The following TSPAN18 variants were observed in gnomAD, a reference collection of about 807,000 sequenced individuals.
TSPAN18 encodes tetraspanin-18.
In TSPAN18, 14 loss-of-function variants were observed where a neutral mutation model predicts 27.3. The observed-to-expected ratio is 0.51, with a 90% CI of 0.34 to 0.80. The LOEUF (loss-of-function observed/expected upper bound fraction) is 0.80. Ranked by LOEUF, TSPAN18 falls within the 30% of genes least tolerant of loss-of-function variation. The pLI is 0.01. For synonymous variants in TSPAN18, 143 were observed against 136.5 expected (o/e 1.05, Z -0.33); for missense variants, 268 against 323.9 (o/e 0.83, Z 1.32).
chr11:44,811,652 G>A (rs1856719775), intron 2 of TSPAN18, among the ~76,000 whole-genome samples: 1 of 152,016 alleles, frequency 6.6e-6, no homozygotes, highest in Non-Finnish European at 1.5e-5. Context: ...GATAGAGATA[G>A]GGTTTCACCA....
At chr11:44,803,785 C>A (rs1856533155) in intron 2 of TSPAN18, among the ~76,000 whole-genome samples, 1 of 152,012 alleles carries the variant, frequency 6.6e-6, no homozygotes, top group African/African-American at 2.4e-5. Context: ...ATTATTGAGG[C>A]TACTAAGAAA....
chr11:44,826,066 T>A (rs1430374095), intron 2 of TSPAN18, among the ~76,000 whole-genome samples: 3 of 152,160 alleles, frequency 2.0e-5, no homozygotes, highest in Non-Finnish European at 4.4e-5. Context: ...GGGGCCACAC[T>A]CTTACACCAC....
At chr11:44,872,478 A>G (rs998694553) in intron 3 of TSPAN18, among the ~76,000 whole-genome samples, 11 of 152,258 alleles carry the variant, frequency 7.2e-5, no homozygotes, top group Non-Finnish European at 1.3e-4. Flanking sequence ...TGCCCGGCAC[A>G]TGCTAAGTGC....
intron 1 of TSPAN18, among the ~76,000 whole-genome samples, chr11:44,762,162 C>T (rs536369347): frequency 7.2e-5 from 11 of 152,322 alleles, no homozygotes; most frequent in African/African-American, 2.6e-4. Context: ...CATTTCTACA[C>T]CAAGATGGGC....
chr11:44,830,727 G>C (rs1857136084), intron 2 of TSPAN18, among the ~76,000 whole-genome samples: 1 of 152,178 alleles, frequency 6.6e-6, no homozygotes, highest in Non-Finnish European at 1.5e-5. Flanking sequence ...AGCAGCTCAG[G>C]CTCAGTCATT....
At chr11:44,894,894 G>A (rs144594259) in intron 3 of TSPAN18, among the ~76,000 whole-genome samples, 3,053 of 152,296 alleles carry the variant, frequency 0.02, 95 homozygotes, top group African/African-American at 0.067. Context: ...GATAGGTGTC[G>A]TATCAGGAGC....
chr11:44,742,302 TC>T (rs765117341), intron 1 of TSPAN18, among the ~76,000 whole-genome samples: 2 of 55,930 alleles, frequency 3.6e-5, no homozygotes, highest in Non-Finnish European at 7.0e-5. Context: ...CCTCCCTCCC[TC>T]CCTCCCTTTT....
At chr11:44,781,052 C>A (rs1377330) in intron 2 of TSPAN18, among the ~76,000 whole-genome samples, 23,568 of 152,186 alleles carry the variant, frequency 0.15, 2,931 homozygotes, top group East Asian at 0.5. Flanking sequence ...ACATTAAGGA[C>A]ATCTGATGCT....
intron 1 of TSPAN18, among the ~76,000 whole-genome samples, chr11:44,727,631 G>C (rs1198056150): frequency 6.6e-6 from 1 of 152,168 alleles, no homozygotes; most frequent in Non-Finnish European, 1.5e-5. Flanking sequence ...TACAAGGTTC[G>C]GGGTTTCGGC....
chr11:44,841,190 G>A (rs962168330), intron 2 of TSPAN18, among the ~76,000 whole-genome samples: 2 of 152,136 alleles, frequency 1.3e-5, no homozygotes, highest in Admixed American at 6.5e-5. Flanking sequence ...CATAGGAGGT[G>A]GACAGAAAAC....
In TSPAN18 at chr11:44,929,198, G is replaced by A. The variant is rs778047900; in HGVS notation, c.*20G>A. On this transcript the variant is annotated 3_prime_UTR_variant, in exon 10 of 10. Coordinates refer to ENST00000520358, the MANE Select transcript of TSPAN18 (RefSeq NM_130783.5). ...CAGTAGAGGGTATGGCCTGAAGCCT[G>A]AAGACTCGCCCCACCCACCACTGCC... 6.2e-7 allele frequency: 1 copy of A among 1,613,336 alleles called. No individual in the cohort carries two copies. Among genetic ancestry groups the A allele is most frequent in the Admixed American group, 1.7e-5 (1 of 60,018 alleles).
At chr11:44,746,858 C>T (rs559631635) in intron 1 of TSPAN18, among the ~76,000 whole-genome samples, 3 of 152,364 alleles carry the variant, frequency 2.0e-5, no homozygotes, top group African/African-American at 7.2e-5. Flanking sequence ...GCCCACTTCC[C>T]CCACTGCTTG....
At chr11:44,845,345 C>T (rs1383523360) in intron 2 of TSPAN18, among the ~76,000 whole-genome samples, 11 of 152,218 alleles carry the variant, frequency 7.2e-5, no homozygotes, top group Non-Finnish European at 1.3e-4. Context: ...GCTGTTGCAT[C>T]GATGAAAGGT....
intron 3 of TSPAN18, among the ~76,000 whole-genome samples, chr11:44,861,163 G>A (rs1039602481): frequency 4.6e-5 from 7 of 152,004 alleles, no homozygotes; most frequent in Non-Finnish European, 1.0e-4. Flanking sequence ...CACTCTCCAT[G>A]TGGCCGCAGG....
At chr11:44,894,855 G>A (rs1221670731) in intron 3 of TSPAN18, among the ~76,000 whole-genome samples, 6 of 152,206 alleles carry the variant, frequency 3.9e-5, no homozygotes, top group Admixed American at 6.5e-5. Context: ...GGGGCACGGC[G>A]CTTCCTGTCT....
intron 1 of TSPAN18, among the ~76,000 whole-genome samples, chr11:44,744,937 C>G (rs772358767): frequency 6.6e-6 from 1 of 152,156 alleles, no homozygotes; most frequent in African/African-American, 2.4e-5. Context: ...TACCCAGGCT[C>G]AGCAGGAAGG....
At chr11:44,850,184 G>C (rs563353383) in intron 2 of TSPAN18, among the ~76,000 whole-genome samples, 1 of 152,196 alleles carries the variant, frequency 6.6e-6, no homozygotes, top group Admixed American at 6.5e-5. Context: ...TTCACCAGGG[G>C]TGCTTGTCCC....
At chr11:44,800,635 C>T (rs874034) in intron 2 of TSPAN18, among the ~76,000 whole-genome samples, 73 of 152,328 alleles carry the variant, frequency 4.8e-4, no homozygotes, top group Middle Eastern at 3.4e-3. Context: ...GAGCCCCTTT[C>T]TGGGCTGTGC....
At chr11:44,782,316 G>A (rs987765885) in intron 2 of TSPAN18, among the ~76,000 whole-genome samples, 53 of 152,096 alleles carry the variant, frequency 3.5e-4, no homozygotes, top group African/African-American at 1.2e-3. Context: ...GGAGGTCAAG[G>A]GAGGATCATG....
Sources: allele counts gnomAD v4.1 joint callset (sites outside exome capture counted in the v4.1 genomes callset), GRCh38; gene constraint gnomAD v4.1.1; transcripts MANE v1.5; gene names NCBI Gene and HGNC (gene_info 2026-07-23, HGNC 2026-07-21).